Variants in PRKN observed in about 807,000 individuals in gnomAD.
The protein encoded by PRKN is parkin RBR E3 ubiquitin protein ligase.
PRKN carries 56 observed loss-of-function variants against 59.5 expected under a neutral mutation model. That is an observed-to-expected ratio of 0.94 (90% CI 0.76 to 1.18). The LOEUF (loss-of-function observed/expected upper bound fraction) is 1.18, where lower values mean the gene tolerates loss of function less well. Among genes scored for constraint, PRKN ranks in the 50% most tolerant of loss-of-function variants. The pLI is 0.00. For missense variants in PRKN, 657 were observed against 596.4 expected (o/e 1.10, Z -1.06); for synonymous variants, 250 against 222.1 (o/e 1.13, Z -1.12).
intron 1 of PRKN, among the ~76,000 whole-genome samples, chr6:162,521,125 C>T (rs1778065790): frequency 6.6e-6 from 1 of 152,076 alleles, no homozygotes; most frequent in Non-Finnish European, 1.5e-5. Context: ...TTCATTTTTG[C>T]ATTCTCACTG....
intron 7 of PRKN, among the ~76,000 whole-genome samples, chr6:161,753,158 G>C (rs1788764744): frequency 6.6e-6 from 1 of 152,172 alleles, no homozygotes; most frequent in African/African-American, 2.4e-5. Context: ...CATAAATTTA[G>C]AAGTCATGAG....
At chr6:161,895,374 TG>T (rs1777573159) in intron 6 of PRKN, among the ~76,000 whole-genome samples, 1 of 152,198 alleles carries the variant, frequency 6.6e-6, no homozygotes, top group Non-Finnish European at 1.5e-5. Flanking sequence ...TAACCGTGGC[TG>T]GACTTGCTTG....
chr6:161,800,089 C>G (rs186810206), intron 6 of PRKN, among the ~76,000 whole-genome samples: 1 of 152,048 alleles, frequency 6.6e-6, no homozygotes, highest in Non-Finnish European at 1.5e-5. Context: ...CAACATAATA[C>G]CATTTATGTT....
chr6:161,845,849 C>T (rs1793176724), intron 6 of PRKN, among the ~76,000 whole-genome samples: 1 of 152,130 alleles, frequency 6.6e-6, no homozygotes, highest in Admixed American at 6.5e-5. Flanking sequence ...CTGAGTCTGT[C>T]GCCACATCAA....
At chr6:162,045,227 T>G (rs1171204154) in intron 5 of PRKN, among the ~76,000 whole-genome samples, 1 of 152,212 alleles carries the variant, frequency 6.6e-6, no homozygotes, top group African/African-American at 2.4e-5. Context: ...CAATGTGTTA[T>G]AAAAGTTATC....
At chr6:162,334,515 T>C (rs760044726) in intron 2 of PRKN, among the ~76,000 whole-genome samples, 1 of 152,200 alleles carries the variant, frequency 6.6e-6, no homozygotes, top group African/African-American at 2.4e-5. Flanking sequence ...ATATTTTAAG[T>C]GCACTGTTGA....
intron 2 of PRKN, among the ~76,000 whole-genome samples, chr6:162,288,432 T>C (rs1486766404): frequency 1.3e-5 from 2 of 152,050 alleles, no homozygotes; most frequent in Non-Finnish European, 2.9e-5. Flanking sequence ...AAGTCTGTAA[T>C]CGGCTGGCTT....
At chr6:162,478,494 T>C (rs1432730083) in intron 1 of PRKN, among the ~76,000 whole-genome samples, 1 of 152,104 alleles carries the variant, frequency 6.6e-6, no homozygotes, top group Non-Finnish European at 1.5e-5. Context: ...GCACAGCCAG[T>C]GAACAATCTA....
chr6:161,875,023 TA>T (rs1794667492), intron 6 of PRKN, among the ~76,000 whole-genome samples: 1 of 102,648 alleles, frequency 9.7e-6, no homozygotes, highest in South Asian at 2.9e-4. Context: ...ATATATAAAG[TA>T]TATAATATAA....
In PRKN at chr6:161,347,613, G is replaced by GTTTTTTTTTTTTTTTTTTTTTTTT. The variant is rs763588687; in HGVS notation, c.*2485_*2486insAAAAAAAAAAAAAAAAAAAAAAAA. The GTTTTTTTTTTTTTTTTTTTTTTTT allele has an allele frequency of 5.9e-5, 7 of 119,274 alleles. 2 individuals are homozygous for GTTTTTTTTTTTTTTTTTTTTTTTT. The highest frequency in any genetic ancestry group is 1.4e-4 in the African/African-American group (4 of 28,740). The allele number at this position is 119,274 out of a possible 1,614,324, so 7.4% of individuals were successfully genotyped here. On this transcript the variant is annotated 3_prime_UTR_variant, in exon 12 of 12. Transcript: ENST00000366898. ...GTGTAGTGGATGATCTTGCTTTTTT[G>GTTTTTTTTTTTTTTTTTTTTTTTT]TTTTTGTTTTTTTTTTTTTTTTGAG...
chr6:162,511,085 A>G (rs1777594310), intron 1 of PRKN, among the ~76,000 whole-genome samples: 1 of 152,110 alleles, frequency 6.6e-6, no homozygotes, highest in Non-Finnish European at 1.5e-5. Flanking sequence ...TTTTCCACTA[A>G]TATTTTTTCA....
intron 5 of PRKN, among the ~76,000 whole-genome samples, chr6:162,046,209 G>A (rs895043537): frequency 3.9e-5 from 6 of 152,248 alleles, no homozygotes; most frequent in East Asian, 1.9e-4. Context: ...GGACTGACAC[G>A]TTTGGCTTTT....
intron 6 of PRKN, among the ~76,000 whole-genome samples, chr6:161,825,618 C>G (rs369013292): frequency 6.6e-6 from 1 of 152,168 alleles, no homozygotes; most frequent in Non-Finnish European, 1.5e-5. Context: ...CGCTCTACTC[C>G]CAAGCTTGAA....
intron 4 of PRKN, among the ~76,000 whole-genome samples, chr6:162,063,303 A>G (rs974927612): frequency 6.6e-6 from 1 of 152,238 alleles, no homozygotes; most frequent in East Asian, 1.9e-4. Flanking sequence ...ATATAAGCAA[A>G]AACCTTGAAC....
At chr6:162,211,151 T>C (rs1202350678) in intron 3 of PRKN, among the ~76,000 whole-genome samples, 2 of 152,118 alleles carry the variant, frequency 1.3e-5, no homozygotes, top group South Asian at 4.1e-4. Flanking sequence ...CAAAATACTG[T>C]AGGGGACTGA....
At chr6:162,258,135 G>A (rs935568551) in intron 3 of PRKN, among the ~76,000 whole-genome samples, 10 of 152,214 alleles carry the variant, frequency 6.6e-5, no homozygotes, top group African/African-American at 1.9e-4. Flanking sequence ...CACAGGCCTC[G>A]CGGCTGCTGT....
At position 161,844,849 on chromosome 6, in the gene PRKN, G is replaced by A. The variant is rs564812558; in HGVS notation, c.735-58941C>T. Among the ~76,000 whole-genome samples, 14 of 152,370 alleles carry A rather than the reference G, an allele frequency of 9.2e-5. No individual in the cohort carries two copies. The East Asian group carries it at 1.9e-3, about 21-fold the overall frequency. Reference sequence around the variant, plus strand: ...CTGGTGTGCAATGCTGATGTCAGCCGTGGAGTTGGCGTATGTGTTCTGTGG... The same window carrying A: ...CTGGTGTGCAATGCTGATGTCAGCCATGGAGTTGGCGTATGTGTTCTGTGG... On this transcript the variant is annotated intron_variant, in intron 6 of 11. Transcript: ENST00000366898.
chr6:162,613,132 C>T (rs906185128), intron 1 of PRKN, among the ~76,000 whole-genome samples: 5 of 152,110 alleles, frequency 3.3e-5, no homozygotes, highest in African/African-American at 1.2e-4. Flanking sequence ...AATAACTTCC[C>T]CATGGTCTCT....
intron 4 of PRKN, among the ~76,000 whole-genome samples, chr6:162,184,098 A>G (rs1783918933): frequency 6.6e-6 from 1 of 152,216 alleles, no homozygotes; most frequent in African/African-American, 2.4e-5. Flanking sequence ...TTAAAAAGTC[A>G]TATGTGCCTA....
Sources: allele counts gnomAD v4.1 joint callset (sites outside exome capture counted in the v4.1 genomes callset), GRCh38; gene constraint gnomAD v4.1.1; transcripts MANE v1.5; gene names NCBI Gene and HGNC (gene_info 2026-07-23, HGNC 2026-07-21).